The following KDM4C variants were observed in gnomAD, a reference collection of about 807,000 sequenced individuals.
The protein encoded by KDM4C is lysine demethylase 4C.
KDM4C carries 81 observed loss-of-function variants against 129.3 expected under a neutral mutation model. The observed-to-expected ratio is 0.63, with a 90% CI of 0.52 to 0.75. KDM4C has a LOEUF of 0.75. Ranked by LOEUF, KDM4C falls within the 30% of genes least tolerant of loss-of-function variation. KDM4C has a pLI of 0.00. For synonymous variants in KDM4C, 573 were observed against 456.1 expected, an observed-to-expected ratio of 1.26 and a Z score of -3.26; for missense variants, 1,457 against 1,304.0, an observed-to-expected ratio of 1.12 and a Z score of -1.81.
intron 8 of KDM4C, among the ~76,000 whole-genome samples, chr9:6,898,638 A>G (rs1211035821): frequency 1.3e-5 from 2 of 152,212 alleles, no homozygotes; most frequent in African/African-American, 4.8e-5. Context: ...TTAAAAAGAG[A>G]TGATAGAATT....
chr9:6,899,510 G>A (rs1817012736), intron 8 of KDM4C, among the ~76,000 whole-genome samples: 1 of 150,990 alleles, frequency 6.6e-6, no homozygotes, highest in Non-Finnish European at 1.5e-5. Flanking sequence ...TGGTTTCACT[G>A]CCCTATGAGT....
chr9:6,859,544 A>ATT (rs149258373), intron 5 of KDM4C, among the ~76,000 whole-genome samples: 34 of 125,154 alleles, frequency 2.7e-4, no homozygotes, highest in South Asian at 1.8e-3. Flanking sequence ...AAGTAGGTGG[A>ATT]TTTTTTTTTT....
At chr9:6,982,308 A>G (rs891483224) in intron 9 of KDM4C, 2 of 152,052 alleles carry the variant, frequency 1.3e-5, no homozygotes, top group African/African-American at 4.8e-5. Flanking sequence ...TCGGCATCTT[A>G]TAAGAGGTAG....
intron 8 of KDM4C, among the ~76,000 whole-genome samples, chr9:6,966,084 T>G (rs1361935050): frequency 6.6e-6 from 1 of 152,216 alleles, no homozygotes; most frequent in Non-Finnish European, 1.5e-5. Flanking sequence ...TGCATTTAGA[T>G]GGAAGTAAGT....
intron 5 of KDM4C, among the ~76,000 whole-genome samples, chr9:6,877,319 G>C (rs1011865780): frequency 5.9e-5 from 9 of 152,174 alleles, no homozygotes; most frequent in Non-Finnish European, 1.3e-4. Context: ...TTCTGCGTCA[G>C]CCTCCCAAGT....
intron 8 of KDM4C, among the ~76,000 whole-genome samples, chr9:6,955,892 A>G (rs563180583): frequency 2.0e-5 from 3 of 152,332 alleles, no homozygotes; most frequent in Admixed American, 2.0e-4. Context: ...TTATAATGCT[A>G]GTAAAAGAGC....
intron 17 of KDM4C, among the ~76,000 whole-genome samples, chr9:7,100,117 T>C (rs1836901155): frequency 2.6e-5 from 4 of 152,082 alleles, no homozygotes. Context: ...CAAGGCCGGT[T>C]GTGGCGTGAT....
chr9:7,162,851 G>A (rs941088334), intron 19 of KDM4C, among the ~76,000 whole-genome samples: 1 of 152,062 alleles, frequency 6.6e-6, no homozygotes, highest in East Asian at 1.9e-4. Flanking sequence ...CCTCTGTTGG[G>A]ATTCGAGAAG....
At chr9:6,750,412 C>T (rs922221236) in intron 1 of KDM4C, among the ~76,000 whole-genome samples, 8 of 150,504 alleles carry the variant, frequency 5.3e-5, no homozygotes, top group African/African-American at 1.5e-4. Context: ...GCACTTCAGC[C>T]TGGGTGACAG....
chr9:6,829,661 A>G (rs1367378823), intron 4 of KDM4C, among the ~76,000 whole-genome samples: 1 of 152,116 alleles, frequency 6.6e-6, no homozygotes, highest in African/African-American at 2.4e-5. Flanking sequence ...TCAGACAGTC[A>G]CCAGGAAGGA....
intron 12 of KDM4C, among the ~76,000 whole-genome samples, chr9:7,003,562 A>G (rs569862667): frequency 1.3e-5 from 2 of 152,050 alleles, no homozygotes; most frequent in South Asian, 4.1e-4. Flanking sequence ...TTGAGAGGTG[A>G]TACATAAAGA....
Position 6,893,095 on chromosome 9 carries a change from A to G in KDM4C, c.784A>G (p.Ile262Val). The G allele has an allele frequency of 1.3e-6, 2 of 1,536,396 alleles. No homozygotes were observed. The highest frequency in any genetic ancestry group is 1.8e-6 in the Non-Finnish European group (2 of 1,141,974). The change falls in exon 8 of 22, where the codon ATA (isoleucine) becomes GTA (valine). Residue 262 changes from isoleucine to valine, a missense_variant and splice_region_variant. Transcript: ENST00000381309. Reference sequence around the variant, plus strand: ...ATATTATATGTTTCCTACCTTGCAGATAACCCAGGAGGCTGGAGAATTCAT... The same window carrying G: ...ATATTATATGTTTCCTACCTTGCAGGTAACCCAGGAGGCTGGAGAATTCAT... ...LKKYGIPFDK[I>V]TQEAGEFMIT...
At chr9:7,056,876 A>G (rs1422878660) in intron 17 of KDM4C, among the ~76,000 whole-genome samples, 1 of 152,204 alleles carries the variant, frequency 6.6e-6, no homozygotes, top group East Asian at 1.9e-4. Context: ...GGAGTTTCAG[A>G]GACAGGGTCA....
At chr9:6,740,155 G>A (rs1817638900) in intron 1 of KDM4C, among the ~76,000 whole-genome samples, 1 of 151,958 alleles carries the variant, frequency 6.6e-6, no homozygotes, top group Admixed American at 6.6e-5. Flanking sequence ...CTCCCAAAGT[G>A]CTGGAATTAC....
intron 5 of KDM4C, among the ~76,000 whole-genome samples, chr9:6,864,379 G>C (rs1310519526): frequency 6.6e-6 from 1 of 152,214 alleles, no homozygotes; most frequent in Non-Finnish European, 1.5e-5. Context: ...AGGCCAGTTA[G>C]ATAGAGTTCC....
chr9:7,170,887 TAAAC>T (rs1844886676), intron 21 of KDM4C: 1 of 218,722 alleles, frequency 4.6e-6, no homozygotes, highest in African/African-American at 3.5e-5. Context: ...TGGCCTCACA[TAAAC>T]TACACTAACA....
At chr9:7,130,977 C>T (rs538002726) in intron 19 of KDM4C, among the ~76,000 whole-genome samples, 3 of 151,460 alleles carry the variant, frequency 2.0e-5, no homozygotes, top group East Asian at 2.0e-4. Context: ...CTGCGTTGCC[C>T]GGGCTGGTCT....
At chr9:6,723,539 C>G (rs577414645) in intron 1 of KDM4C, 1 of 151,914 alleles carries the variant, frequency 6.6e-6, no homozygotes, top group Admixed American at 6.6e-5. Context: ...AAGAAACGTC[C>G]ACTCTGCTCC....
chr9:6,999,230 G>T (rs983384288), intron 12 of KDM4C, among the ~76,000 whole-genome samples: 2 of 152,146 alleles, frequency 1.3e-5, no homozygotes, highest in Non-Finnish European at 2.9e-5. Flanking sequence ...TAACTGTATT[G>T]ATGTAGATTT....
Sources: allele counts gnomAD v4.1 joint callset (sites outside exome capture counted in the v4.1 genomes callset), GRCh38; gene constraint gnomAD v4.1.1; transcripts MANE v1.5; gene names NCBI Gene and HGNC (gene_info 2026-07-23, HGNC 2026-07-21).